The following TMEM144 variants were observed in gnomAD, a reference collection of about 807,000 sequenced individuals.
TMEM144 encodes the protein transmembrane protein 144.
Under a neutral mutation model 43.6 loss-of-function variants are expected in TMEM144, and 39 were observed. That is an observed-to-expected ratio of 0.90 (90% CI 0.69 to 1.17). The LOEUF is 1.17. Ranked by LOEUF, TMEM144 falls within the 50% of genes most tolerant of loss-of-function variation. The probability of loss-of-function intolerance (pLI) is 0.00; values close to 1 mark genes in which losing one functional copy is unlikely to be tolerated. For missense variants in TMEM144, 417 were observed against 411.9 expected, an observed-to-expected ratio of 1.01 and a Z score of -0.11; for synonymous variants, 154 against 133.6, an observed-to-expected ratio of 1.15 and a Z score of -1.06.
Position 158,249,887 on chromosome 4 carries a change from GGTGTGTGTGTGTGTGTGT to G in TMEM144, c.955-3528_955-3511del, listed in dbSNP as rs149144602. Among the ~76,000 whole-genome samples, 962 of 134,532 alleles carry G rather than the reference GGTGTGTGTGTGTGTGTGT, an allele frequency of 7.2e-3. 4 individuals carry two copies. Among genetic ancestry groups the G allele is most frequent in the African/African-American group, 0.017 (644 of 36,944 alleles). 88.3% of individuals were successfully genotyped at this position (134,532 alleles called of 152,430 possible). A position where few individuals can be genotyped will look rare whatever the true frequency, so the allele number is the denominator to read the frequency against. On this transcript the variant is annotated intron_variant, in intron 12 of 12. Transcript: ENST00000296529. ...CTGGGAAATCCAAAGCCTACTGCCA[GGTGTGTGTGTGTGTGTGT>G]GTGTGTGTGTGTGTGTGTGTGTGTG...
At chr4:158,253,296 T>C in intron 12 of TMEM144, 148 bp from the exon 13 acceptor site, 1 of 605,810 alleles carries the variant, frequency 1.7e-6, no homozygotes, top group Non-Finnish European at 2.8e-6. Flanking sequence ...CAGGGGTTTG[T>C]GAGAACCTGA....
At position 158,253,896 on chromosome 4, in the gene TMEM144, C is replaced by T. The variant is rs1736343519; in HGVS notation, c.*369C>T. 1 of 160,938 alleles carries T rather than the reference C, an allele frequency of 6.2e-6. No homozygotes were observed. Among genetic ancestry groups the T allele is most frequent in the Admixed American group, 6.2e-5 (1 of 16,088 alleles). 10.0% of individuals were successfully genotyped at this position (160,938 alleles called of 1,614,324 possible). On this transcript the variant is annotated 3_prime_UTR_variant, in exon 13 of 13. Transcript: ENST00000296529. ...TACAAAGAAGTTACAGTCCATATTT[C>T]TCACCTATTACCCCAGTGAAGTGAG...
chr4:158,215,587 T>C (rs1193280002), intron 4 of TMEM144, among the ~76,000 whole-genome samples: 2 of 152,216 alleles, frequency 1.3e-5, no homozygotes, highest in Non-Finnish European at 2.9e-5. Context: ...TCTCCATCTA[T>C]TCAAGCATAG....
chr4:158,212,980 A>G, intron 3 of TMEM144: 2 of 601,136 alleles, frequency 3.3e-6, no homozygotes, highest in Non-Finnish European at 5.9e-6. Context: ...GTTTCATGGT[A>G]AAGTTAGGGA....
chr4:158,233,913 A>G (rs1735209575), intron 7 of TMEM144: 2 of 152,250 alleles, frequency 1.3e-5, no homozygotes, highest in African/African-American at 4.8e-5. Context: ...AGAAGGGAGG[A>G]GTTGGCTTTG....
At chr4:158,218,582 A>G (rs181574318) in intron 5 of TMEM144, among the ~76,000 whole-genome samples, 3 of 141,568 alleles carry the variant, frequency 2.1e-5, no homozygotes, top group East Asian at 1.9e-4. Context: ...GATCACGGCA[A>G]TGTCAGGCAG....
chr4:158,221,921 C>G (rs1424997923), intron 6 of TMEM144, among the ~76,000 whole-genome samples: 1 of 152,192 alleles, frequency 6.6e-6, no homozygotes, highest in Non-Finnish European at 1.5e-5. Flanking sequence ...TCTTTGCCTT[C>G]AACATTTCCC....
intron 6 of TMEM144, among the ~76,000 whole-genome samples, chr4:158,227,540 C>A (rs963260964): frequency 2.6e-5 from 4 of 151,672 alleles, no homozygotes; most frequent in East Asian, 1.9e-4. Flanking sequence ...ATATATATAT[C>A]TCTCTTTCTC....
Position 158,226,632 on chromosome 4 carries a change from GTTTTGT to G in TMEM144, c.414-6253_414-6248del, listed in dbSNP as rs1179638518. Among the ~76,000 whole-genome samples, 3 of 151,856 alleles carry G rather than the reference GTTTTGT, an allele frequency of 2.0e-5. No individual in the cohort carries two copies. The East Asian group carries it at 5.8e-4, about 29-fold the overall frequency. On this transcript the variant is annotated intron_variant, in intron 6 of 12. Transcript: ENST00000296529. ...ATACACCTTGCACATAAACTGTTTT[GTTTTGT>G]TTTTGTTTTTGTTTTACATTCAGGA...
chr4:158,239,333 G>T (rs1735509685), intron 9 of TMEM144, among the ~76,000 whole-genome samples: 1 of 152,152 alleles, frequency 6.6e-6, no homozygotes, highest in Non-Finnish European at 1.5e-5. Flanking sequence ...ATCCAACATG[G>T]CTTTCCCAGC....
At chr4:158,219,425 C>CA in intron 6 of TMEM144, 35 bp downstream of exon 6, 1 of 1,589,062 alleles carries the variant, frequency 6.3e-7, no homozygotes, top group East Asian at 2.2e-5. Context: ...TGCTGTTCTT[C>CA]AAAACATGGA....
At chr4:158,218,129 G>A (rs2111105937) in intron 5 of TMEM144, among the ~76,000 whole-genome samples, 1 of 152,132 alleles carries the variant, frequency 6.6e-6, no homozygotes, top group Admixed American at 6.6e-5. Flanking sequence ...AGCCACAGGA[G>A]GCCATTTATA....
chr4:158,239,137 G>A (rs1735501034), intron 9 of TMEM144, among the ~76,000 whole-genome samples: 1 of 152,096 alleles, frequency 6.6e-6, no homozygotes, highest in African/African-American at 2.4e-5. Context: ...TTGCACCCAG[G>A]TGGTCCATGC....
Position 158,241,492 on chromosome 4 carries a change from T to G in TMEM144, c.803-17T>G, listed in dbSNP as rs1163825094. The G allele has an allele frequency of 1.2e-6, 2 of 1,603,906 alleles. No individual in the cohort carries two copies. Among genetic ancestry groups the G allele is most frequent in the African/African-American group, 1.3e-5 (1 of 74,832 alleles). ...GGGGAACATGGTCTGCAAATGTGTGTTGTCTTTGTATTTCAGGATTCCTGT... is the reference window on the plus strand; with the variant it reads ...GGGGAACATGGTCTGCAAATGTGTGGTGTCTTTGTATTTCAGGATTCCTGT... On this transcript the variant is annotated splice_polypyrimidine_tract_variant and intron_variant, in intron 10 of 12. Coordinates refer to ENST00000296529, the MANE Select transcript of TMEM144 (RefSeq NM_018342.5).
intron 9 of TMEM144, among the ~76,000 whole-genome samples, chr4:158,238,011 G>A (rs750070401): frequency 1.3e-5 from 2 of 152,116 alleles, no homozygotes; most frequent in African/African-American, 2.4e-5. Flanking sequence ...TGAGGTAAAG[G>A]TTAATGTATA....
In TMEM144 at chr4:158,217,395, G is replaced by A. The variant is rs1259873790; in HGVS notation, c.307G>A (p.Ala103Thr). 3 of 1,612,914 alleles carry A rather than the reference G, an allele frequency of 1.9e-6. No homozygotes were observed. The highest frequency in any genetic ancestry group is 1.3e-5 in the African/African-American group (1 of 74,850). ...LGILIWGSFN[A>T]LTGWASSRFG... ...AATCTTAATCTGGGGATCATTTAATGCCTTAACTGGCTGGGCAAGCTCAAG... is the reference window on the plus strand; with the variant it reads ...AATCTTAATCTGGGGATCATTTAATACCTTAACTGGCTGGGCAAGCTCAAG... The change falls in exon 5 of 13, where the codon GCC (alanine) becomes ACC (threonine). Residue 103 changes from alanine to threonine, a missense_variant. Physicochemically the swap from Ala to Thr is moderately conservative, Grantham distance 58 (BLOSUM62 0). Transcript: ENST00000296529.
chr4:158,240,440 C>A (rs778185777), intron 10 of TMEM144, 22 bp downstream of exon 10: 3 of 1,578,038 alleles, frequency 1.9e-6, no homozygotes, highest in Middle Eastern at 1.7e-4. Flanking sequence ...TACTACAGAT[C>A]TTCTTACTAT....
At chr4:158,245,213 A>AGTGT (rs759486531) in intron 12 of TMEM144, among the ~76,000 whole-genome samples, 2,878 of 125,618 alleles carry the variant, frequency 0.023, 70 homozygotes, top group East Asian at 0.049. Flanking sequence ...TTCTAGTAAG[A>AGTGT]GTGTGTGTGT....
chr4:158,246,071 G>T (rs1735879791), intron 12 of TMEM144, among the ~76,000 whole-genome samples: 1 of 152,166 alleles, frequency 6.6e-6, no homozygotes, highest in Non-Finnish European at 1.5e-5. Flanking sequence ...TTCAAGTCTA[G>T]CCTGGGCAAC....
Sources: gnomAD v4.1 joint callset for allele counts (sites outside exome capture counted in the v4.1 genomes callset) on GRCh38, gnomAD v4.1.1 for gene constraint, MANE v1.5 for transcripts, NCBI Gene and HGNC (gene_info 2026-07-23, HGNC 2026-07-21) for gene names.